SMOC2: variants seen among roughly 807,000 people sequenced by gnomAD.
SMOC2 encodes SPARC related modular calcium binding 2.
A neutral mutation model predicts 61.4 loss-of-function variants in SMOC2; 39 were observed. The observed-to-expected ratio is 0.64, with a 90% CI of 0.49 to 0.83. The LOEUF (loss-of-function observed/expected upper bound fraction) is 0.83, where lower values mean the gene tolerates loss of function less well. SMOC2 is among the 40% of genes least tolerant of loss of function. The pLI, the probability that SMOC2 is intolerant of heterozygous loss-of-function variation, is 0.00. For missense variants in SMOC2, 556 were observed against 592.9 expected (o/e 0.94, Z 0.65); for synonymous variants, 247 against 239.9 (o/e 1.03, Z -0.27).
intron 1 of SMOC2, among the ~76,000 whole-genome samples, chr6:168,478,795 A>G (rs573663774): frequency 9.2e-5 from 14 of 152,310 alleles, no homozygotes; most frequent in African/African-American, 3.4e-4. Flanking sequence ...TCCTGGGGAA[A>G]GGAGTCAGGA....
intron 9 of SMOC2, among the ~76,000 whole-genome samples, chr6:168,617,948 A>G (rs1026236064): frequency 4.6e-5 from 7 of 152,212 alleles, no homozygotes; most frequent in African/African-American, 1.7e-4. Context: ...GACACAGGTC[A>G]TTTCCCTGAG....
intron 1 of SMOC2, among the ~76,000 whole-genome samples, chr6:168,447,970 C>T (rs1004316833): frequency 1.3e-5 from 2 of 152,138 alleles, no homozygotes; most frequent in Non-Finnish European, 2.9e-5. Context: ...CTGGGTGTCA[C>T]CATGGACATT....
At chr6:168,509,776 G>C (rs765164135) in intron 1 of SMOC2, 139 bp from the exon 2 acceptor site, 17 of 683,802 alleles carry the variant, frequency 2.5e-5, no homozygotes, top group Non-Finnish European at 3.2e-5. Context: ...GGCGCTTCTG[G>C]CAGGGGTGAG....
intron 11 of SMOC2, among the ~76,000 whole-genome samples, chr6:168,658,910 T>G (rs930592217): frequency 4.2e-5 from 6 of 144,472 alleles, no homozygotes; most frequent in Non-Finnish European, 6.2e-5. Flanking sequence ...GTGGTGTGTG[T>G]GGTGTGTGTG....
At chr6:168,451,599 G>GTCTCTCTCTC (rs59096709) in intron 1 of SMOC2, among the ~76,000 whole-genome samples, 54 of 145,616 alleles carry the variant, frequency 3.7e-4, no homozygotes, top group African/African-American at 5.8e-4. Context: ...CTCTGTCTCT[G>GTCTCTCTCTC]TCTCTCTCTC....
chr6:168,573,592 G>T lies in SMOC2; in HGVS notation c.637+24389G>T, dbSNP rs184487648. On this transcript the variant is annotated intron_variant, in intron 7 of 12. Transcript: ENST00000356284. Reference sequence around the variant, plus strand: ...TGGAGTAGCCTCTGCCCACACACGTGCAGGCAGCGAGCGCCTGCGACAGGG... The same window carrying T: ...TGGAGTAGCCTCTGCCCACACACGTTCAGGCAGCGAGCGCCTGCGACAGGG... 4.7e-3 allele frequency among the ~76,000 whole-genome samples: 718 copies of T among 152,238 alleles called. 7 individuals are homozygous for T. Among genetic ancestry groups the T allele is most frequent in the African/African-American group, 0.016 (672 of 41,550 alleles).
At chr6:168,501,082 C>T (rs546044666) in intron 1 of SMOC2, among the ~76,000 whole-genome samples, 2 of 152,208 alleles carry the variant, frequency 1.3e-5, no homozygotes, top group South Asian at 2.1e-4. Flanking sequence ...GAATCGTGGC[C>T]GGATGCTAAG....
At position 168,486,148 on chromosome 6, in the gene SMOC2, T is replaced by C. The variant is rs533282969; in HGVS notation, c.85-23767T>C. On this transcript the variant is annotated intron_variant, in intron 1 of 12. Transcript: ENST00000356284. ...CTTAGTGTCCCTGGTTCAGCATGGTTTCTGGCTCACTTAAGTCAGCTGAAC... is the reference window on the plus strand; with the variant it reads ...CTTAGTGTCCCTGGTTCAGCATGGTCTCTGGCTCACTTAAGTCAGCTGAAC... Among the ~76,000 whole-genome samples the C allele has an allele frequency of 2.0e-5, 3 of 152,302 alleles. No homozygotes were observed. In the East Asian group the frequency reaches 5.8e-4, roughly 29 times the overall value.
In SMOC2 at chr6:168,600,068, A is replaced by C. The variant is rs113266551; in HGVS notation, c.824+1064A>C. On this transcript the variant is annotated intron_variant, in intron 8 of 12. Coordinates refer to ENST00000356284, the MANE Select transcript of SMOC2 (RefSeq NM_001166412.2). ...CTGGTTCTCCAAGTGGCGATCACCC[A>C]ACGCTGGGTGATGCTCTGCTCTTGT... 4.8e-3 allele frequency among the ~76,000 whole-genome samples: 727 copies of C among 152,132 alleles called. 6 individuals are homozygous for C. The highest frequency in any genetic ancestry group is 0.017 in the African/African-American group (694 of 41,502).
rs574257344 is a variant in SMOC2, at chr6:168,469,643, A to G, written c.84+28189A>G. Among the ~76,000 whole-genome samples the G allele has an allele frequency of 6.6e-5, 10 of 152,340 alleles. No individual in the cohort carries two copies. In the South Asian group the frequency reaches 2.1e-3, roughly 32 times the overall value. ...AATCACAAGCCTCTGCTTCTCCACC[A>G]GCAGAGCTGCTCGGAGCCGATGACA... On this transcript the variant is annotated intron_variant, in intron 1 of 12. Coordinates refer to ENST00000356284, the MANE Select transcript of SMOC2 (RefSeq NM_001166412.2).
Position 168,474,647 on chromosome 6 carries a change from G to A in SMOC2, c.84+33193G>A, listed in dbSNP as rs184061456. Among the ~76,000 whole-genome samples the A allele has an allele frequency of 4.7e-4, 72 of 152,126 alleles. 1 individual carries two copies. The highest frequency in any genetic ancestry group is 8.5e-4 in the Non-Finnish European group (58 of 67,988). On this transcript the variant is annotated intron_variant, in intron 1 of 12. Coordinates refer to ENST00000356284, the MANE Select transcript of SMOC2 (RefSeq NM_001166412.2). ...CGTATACAACTGCCTCCTTGATAGC[G>A]CCACAGCCAAGACCACCAGGCACAG...
chr6:168,619,998 C>T (rs2115229612), intron 9 of SMOC2, among the ~76,000 whole-genome samples: 1 of 152,310 alleles, frequency 6.6e-6, no homozygotes, highest in Non-Finnish European at 1.5e-5. Context: ...GCTCTGTGCT[C>T]CCTGAGGTTG....
intron 2 of SMOC2, among the ~76,000 whole-genome samples, chr6:168,516,057 C>A (rs1783126528): frequency 1.3e-5 from 2 of 152,070 alleles, no homozygotes; most frequent in Non-Finnish European, 2.9e-5. Context: ...ATTTTGGGGG[C>A]ATTTTTACAT....
intron 11 of SMOC2, among the ~76,000 whole-genome samples, chr6:168,658,080 G>T (rs1263628440): frequency 6.6e-6 from 1 of 152,184 alleles, no homozygotes; most frequent in Non-Finnish European, 1.5e-5. Context: ...GGTCCACATG[G>T]GAGGCCTGGG....
intron 8 of SMOC2, among the ~76,000 whole-genome samples, chr6:168,599,408 ACACATT>A (rs1353804114): frequency 9.0e-5 from 11 of 121,606 alleles, no homozygotes; most frequent in African/African-American, 1.6e-4. Context: ...ACTGACACAC[ACACATT>A]CATACCCCCC....
chr6:168,521,695 C>A (rs555095797), intron 2 of SMOC2, among the ~76,000 whole-genome samples: 1 of 152,158 alleles, frequency 6.6e-6, no homozygotes, highest in African/African-American at 2.4e-5. Flanking sequence ...CAAGCCTGGG[C>A]AACAAATCAA....
intron 9 of SMOC2, among the ~76,000 whole-genome samples, chr6:168,646,921 T>C (rs148376474): frequency 5.9e-5 from 9 of 152,330 alleles, no homozygotes; most frequent in African/African-American, 2.2e-4. Context: ...TGCCACAGAT[T>C]GGATATAAAT....
chr6:168,517,436 C>T (rs1257889814), intron 2 of SMOC2, among the ~76,000 whole-genome samples: 2 of 152,230 alleles, frequency 1.3e-5, no homozygotes, highest in Non-Finnish European at 2.9e-5. Context: ...GGCGGCTTCA[C>T]GTCTGATGTG....
In SMOC2 at chr6:168,648,716, T is replaced by C. The variant is rs551478304; in HGVS notation, c.908-1965T>C. Among the ~76,000 whole-genome samples the C allele has an allele frequency of 4.6e-5, 7 of 152,360 alleles. No individual in the cohort carries two copies. The East Asian group carries it at 1.3e-3, about 29-fold the overall frequency. The stretch of plus-strand genomic sequence containing the variant: ...GAGACTAACACAGACCTTTTTGCAC[T>C]CTCAGAACCCCCCTGGTGAAGGCTG... On this transcript the variant is annotated intron_variant, in intron 9 of 12. Coordinates refer to ENST00000356284, the MANE Select transcript of SMOC2 (RefSeq NM_001166412.2).
Sources: gnomAD v4.1 joint callset for allele counts (sites outside exome capture counted in the v4.1 genomes callset) on GRCh38, gnomAD v4.1.1 for gene constraint, MANE v1.5 for transcripts, NCBI Gene and HGNC (gene_info 2026-07-23, HGNC 2026-07-21) for gene names.